Variants in RALGAPB observed in about 807,000 individuals in gnomAD.
RALGAPB encodes the protein Ral GTPase activating protein non-catalytic subunit beta.
A neutral mutation model predicts 161.1 loss-of-function variants in RALGAPB; 25 were observed. That is an observed-to-expected ratio of 0.16 (90% CI 0.11 to 0.22). RALGAPB has a LOEUF of 0.22. RALGAPB is among the 10% of genes least tolerant of loss of function. The pLI is 1.00. For synonymous variants in RALGAPB, 629 were observed against 626.1 expected (o/e 1.00, Z -0.07); for missense variants, 1,391 against 1,815.2 (o/e 0.77, Z 4.25).
rs546763036 is a variant in RALGAPB at position 38,525,910 on chromosome 20, A to G, written c.1918A>G (p.Lys640Glu). 10 of 1,612,196 alleles carry G rather than the reference A, an allele frequency of 6.2e-6. No homozygotes were observed. The Admixed American group carries it at 1.0e-4, about 16-fold the overall frequency. ...TVKSEVVLEG[K>E]FSNDDSSSYD... ...TTTTCCATAGGTGGTCCTGGAAGGA[A>G]AGTTTAGTAACGATGACAGCTCTTC... Residue 640 changes from lysine to glutamate, a missense_variant, in exon 13 of 30, where the codon AAG becomes GAG. Physicochemically the swap from Lys to Glu is moderately conservative, Grantham distance 56. Coordinates refer to ENST00000262879, the MANE Select transcript of RALGAPB (RefSeq NM_020336.4).
chr20:38,567,212 A>G lies in RALGAPB; in HGVS notation c.3934A>G (p.Asn1312Asp). The G allele has an allele frequency of 1.2e-6, 2 of 1,613,462 alleles. No individual in the cohort carries two copies. Among genetic ancestry groups the G allele is most frequent in the South Asian group, 2.2e-5 (2 of 91,016 alleles). ...TGAGCTTTTCCCCAATCATACAGAC[A>G]ATCTTAATTCCTCACAGAGGGTAAG... ...TLELFPNHTD[N>D]LNSSQRLSPS... The change falls in exon 26 of 30, where the codon AAT (asparagine) becomes GAT (aspartate). Residue 1312 changes from asparagine (N) to aspartate (D), a missense_variant. This residue lies in a region of RALGAPB where 436 missense variants were observed against 527.0 expected (regional missense o/e 0.83). Coordinates refer to ENST00000262879, the MANE Select transcript of RALGAPB (RefSeq NM_020336.4).
In RALGAPB at chr20:38,521,713, G is replaced by GT. The variant is rs1187191805; in HGVS notation, c.1619+18dup. On this transcript the variant is annotated intron_variant, in intron 10 of 29. Transcript: ENST00000262879. The stretch of plus-strand genomic sequence containing the variant: ...TATTTATCCAGGTCTTGGAATTTTT[G>GT]TTTGTTTTTTCATTTATATAGTTTT... The GT allele has an allele frequency of 6.2e-7, 1 of 1,611,718 alleles. No homozygotes were observed. Among genetic ancestry groups the GT allele is most frequent in the Non-Finnish European group, 8.5e-7 (1 of 1,179,084 alleles).
rs374131326 is a variant in RALGAPB at position 38,488,516 on chromosome 20, C to T, written c.84C>T (p.Ser28=). ...HTSVLHSYPE[S]VGREVANAVV... ...GTGTGCTGCACAGCTATCCAGAGAG[C>T]GTTGGACGAGAGGTGGCAAATGCTG... is the stretch of plus-strand genomic sequence containing the variant. Residue 28 remains serine, a synonymous_variant, in exon 2 of 30, where the codon AGC becomes AGT. Coordinates refer to ENST00000262879, the MANE Select transcript of RALGAPB (RefSeq NM_020336.4). The T allele has an allele frequency of 4.3e-5, 70 of 1,614,126 alleles. No individual in the cohort carries two copies. In the East Asian group the frequency reaches 1.1e-3, roughly 25 times the overall value.
chr20:38,521,390 T>G, intron 9 of RALGAPB, 107 bp from the exon 10 acceptor site: 1 of 1,504,882 alleles, frequency 6.6e-7, no homozygotes. Flanking sequence ...ACTTATTGGA[T>G]TCAAGTAGCT....
chr20:38,546,512 G>GGAC (rs2087169476), intron 19 of RALGAPB, 82 bp downstream of exon 19: 12 of 1,571,104 alleles, frequency 7.6e-6, no homozygotes, highest in Non-Finnish European at 1.0e-5. Flanking sequence ...GATCAGGGAA[G>GGAC]GACAGCCTAC....
intron 6 of RALGAPB, among the ~76,000 whole-genome samples, chr20:38,511,947 C>T (rs954851079): frequency 3.8e-4 from 58 of 152,234 alleles, no homozygotes; most frequent in African/African-American, 1.0e-3. Flanking sequence ...GGGCGGCGGC[C>T]GGGCGGGGGC....
rs1239964141 is a variant in RALGAPB, at chr20:38,576,769, G to A, written c.*1802G>A. The A allele has an allele frequency of 6.6e-6, 1 of 152,626 alleles. No homozygotes were observed. Among genetic ancestry groups the A allele is most frequent in the African/African-American group, 2.4e-5 (1 of 41,434 alleles). 9.5% of individuals were successfully genotyped at this position (152,626 alleles called of 1,614,324 possible). A position where few individuals can be genotyped will look rare whatever the true frequency, so the allele number is the denominator to read the frequency against. On this transcript the variant is annotated 3_prime_UTR_variant, in exon 30 of 30. Coordinates refer to ENST00000262879, the MANE Select transcript of RALGAPB (RefSeq NM_020336.4). ...AGGTAATTCTAGATTGACATTTTGA[G>A]GGGAAAATGGGCTCTTGTTCTAGTT...
chr20:38,516,182 C>G lies in RALGAPB; in HGVS notation c.873-10C>G, dbSNP rs762822966. 1 of 1,565,190 alleles carries G rather than the reference C, an allele frequency of 6.4e-7. No homozygotes were observed. Among genetic ancestry groups the G allele is most frequent in the African/African-American group, 1.4e-5 (1 of 73,226 alleles). On this transcript the variant is annotated splice_polypyrimidine_tract_variant and intron_variant, in intron 6 of 29. Transcript: ENST00000262879. ...AAATTTGTGATTAATTCTTTCCTCTCTTTTAATAGTAATCCTGTGGATTTG... is the reference window on the plus strand; with the variant it reads ...AAATTTGTGATTAATTCTTTCCTCTGTTTTAATAGTAATCCTGTGGATTTG...
intron 1 of RALGAPB, among the ~76,000 whole-genome samples, chr20:38,474,920 G>C (rs2084760241): frequency 6.6e-6 from 1 of 152,180 alleles, no homozygotes; most frequent in Admixed American, 6.5e-5. Context: ...TTTTGTAAAA[G>C]ATGTTTGGTA....
At chr20:38,544,491 G>A (rs564801587) in intron 18 of RALGAPB, among the ~76,000 whole-genome samples, 4 of 151,946 alleles carry the variant, frequency 2.6e-5, no homozygotes, top group East Asian at 3.9e-4. Context: ...TTCTTGAGAC[G>A]GAGTCTCGCC....
chr20:38,544,375 A>T (rs1418010042), intron 18 of RALGAPB, among the ~76,000 whole-genome samples: 1 of 151,426 alleles, frequency 6.6e-6, no homozygotes, highest in African/African-American at 2.4e-5. Flanking sequence ...TATTACAAAG[A>T]TTCAAGTACC....
chr20:38,574,113 T>A (rs763817396), intron 28 of RALGAPB, 37 bp from the exon 29 acceptor site: 1 of 1,575,712 alleles, frequency 6.3e-7, no homozygotes, highest in South Asian at 1.2e-5. Flanking sequence ...GGACTTCAAC[T>A]CTTGGGTGTC....
chr20:38,473,747 A>G (rs1279267899), intron 1 of RALGAPB, among the ~76,000 whole-genome samples: 1 of 152,146 alleles, frequency 6.6e-6, no homozygotes, highest in East Asian at 1.9e-4. Flanking sequence ...CTGTAGAATC[A>G]CCTGGGGGAA....
intron 5 of RALGAPB, among the ~76,000 whole-genome samples, chr20:38,504,469 C>G (rs1195575826): frequency 6.6e-6 from 1 of 152,102 alleles, no homozygotes; most frequent in East Asian, 1.9e-4. Flanking sequence ...ATACCTCAAG[C>G]TATAAGAATA....
At chr20:38,563,813 GTTTTATTTCT>G (rs2145497637) in intron 24 of RALGAPB, among the ~76,000 whole-genome samples, 1 of 152,250 alleles carries the variant, frequency 6.6e-6, no homozygotes, top group East Asian at 1.9e-4. Context: ...TAGCATTCCT[GTTTTATTTCT>G]TTACAATTTT....
chr20:38,521,477 C>G lies in RALGAPB; in HGVS notation c.1418-20C>G. 1.2e-6 allele frequency: 2 copies of G among 1,613,724 alleles called. No homozygotes were observed. Among genetic ancestry groups the G allele is most frequent in the Middle Eastern group, 1.7e-4 (1 of 6,060 alleles). ...GTGGCATATTGCAAATATAATAAAA[C>G]CCTCCTTTTCTCTCCCCAGCCATTA... On this transcript the variant is annotated intron_variant, in intron 9 of 29. Coordinates refer to ENST00000262879, the MANE Select transcript of RALGAPB (RefSeq NM_020336.4).
chr20:38,548,110 A>G (rs778708754), intron 19 of RALGAPB: 2 of 152,224 alleles, frequency 1.3e-5, no homozygotes, highest in Non-Finnish European at 2.9e-5. Flanking sequence ...GAAGAATAAA[A>G]AAAAGGATCT....
At chr20:38,556,646 C>G (rs548737162) in intron 22 of RALGAPB, among the ~76,000 whole-genome samples, 6 of 151,728 alleles carry the variant, frequency 4.0e-5, no homozygotes, top group South Asian at 2.1e-4. Flanking sequence ...AAACTTTTAA[C>G]AATTATTAAG....
intron 20 of RALGAPB, among the ~76,000 whole-genome samples, chr20:38,549,708 C>T (rs1038931489): frequency 8.6e-5 from 13 of 151,654 alleles, no homozygotes; most frequent in African/African-American, 2.9e-4. Context: ...ATTCAGATAA[C>T]GAAGAAATTT....
Sources: gnomAD v4.1 joint callset for allele counts (sites outside exome capture counted in the v4.1 genomes callset) on GRCh38, gnomAD v4.1.1 for gene constraint, gnomAD v4.1.1 regional missense constraint, MANE v1.5 for transcripts, NCBI Gene and HGNC (gene_info 2026-07-23, HGNC 2026-07-21) for gene names.